The following NRG1 variants were observed in gnomAD, a reference collection of about 807,000 sequenced individuals.
The protein encoded by NRG1 is pro-neuregulin-1, membrane-bound isoform.
NRG1 carries 18 observed loss-of-function variants against 63.8 expected under a neutral mutation model. That is an observed-to-expected ratio of 0.28 (90% CI 0.19 to 0.42). The LOEUF (loss-of-function observed/expected upper bound fraction) is 0.42, where lower values mean the gene tolerates loss of function less well. Among genes scored for constraint, NRG1 ranks in the 10% least tolerant of loss-of-function variants. NRG1 has a pLI of 1.00. For synonymous variants in NRG1, 302 were observed against 301.3 expected (o/e 1.00, Z -0.02); for missense variants, 762 against 814.7 (o/e 0.94, Z 0.79).
intron 1 of NRG1, among the ~76,000 whole-genome samples, chr8:32,045,733 A>G (rs1820895281): frequency 6.6e-6 from 1 of 151,972 alleles, no homozygotes; most frequent in South Asian, 2.1e-4. Flanking sequence ...ACAAATAGTA[A>G]TGGAACAATA....
At chr8:32,001,849 G>A (rs1812983679) in intron 1 of NRG1, among the ~76,000 whole-genome samples, 1 of 151,970 alleles carries the variant, frequency 6.6e-6, no homozygotes, top group Non-Finnish European at 1.5e-5. Context: ...TACCATTGAT[G>A]TTGACCTTGA....
chr8:32,254,375 T>C (rs535787768), intron 1 of NRG1, among the ~76,000 whole-genome samples: 3 of 152,372 alleles, frequency 2.0e-5, no homozygotes, highest in African/African-American at 7.2e-5. Flanking sequence ...TCTGGTACGC[T>C]GTGTCTTTGT....
At chr8:32,610,819 A>G (rs932132672) in intron 3 of NRG1, among the ~76,000 whole-genome samples, 1 of 152,284 alleles carries the variant, frequency 6.6e-6, no homozygotes. Flanking sequence ...GGGTTTTCAT[A>G]TAACAAAGGA....
chr8:32,419,426 T>C (rs1816386658), intron 1 of NRG1, among the ~76,000 whole-genome samples: 1 of 152,170 alleles, frequency 6.6e-6, no homozygotes, highest in Non-Finnish European at 1.5e-5. Flanking sequence ...CAGTACAATG[T>C]GTTTTCTATG....
chr8:32,477,979 C>G (rs1824739578), intron 1 of NRG1, among the ~76,000 whole-genome samples: 4 of 152,204 alleles, frequency 2.6e-5, no homozygotes, highest in Admixed American at 6.5e-5. Flanking sequence ...CCATCTGTAA[C>G]AGAATGCATT....
chr8:32,096,675 GAA>G (rs1829945080), intron 1 of NRG1, among the ~76,000 whole-genome samples: 1 of 152,156 alleles, frequency 6.6e-6, no homozygotes, highest in South Asian at 2.1e-4. Flanking sequence ...GGTGAGAGAG[GAA>G]ACAAGAAGGG....
chr8:32,609,521 G>C (rs1360427006), intron 3 of NRG1, among the ~76,000 whole-genome samples: 1 of 151,272 alleles, frequency 6.6e-6, no homozygotes. Flanking sequence ...GGCTGATAGA[G>C]AGTAGAATTC....
intron 5 of NRG1, among the ~76,000 whole-genome samples, chr8:32,670,153 C>T (rs1437913716): frequency 1.3e-5 from 2 of 152,118 alleles, no homozygotes; most frequent in Non-Finnish European, 2.9e-5. Context: ...CTTGAAACTC[C>T]TTCTCTTCTC....
At chr8:32,308,588 G>A (rs1000965134) in intron 1 of NRG1, among the ~76,000 whole-genome samples, 1 of 152,178 alleles carries the variant, frequency 6.6e-6, no homozygotes, top group Non-Finnish European at 1.5e-5. Context: ...ATCAAAGCAT[G>A]ATGTTGGGCT....
At chr8:32,644,297 G>A (rs111526496) in intron 5 of NRG1, among the ~76,000 whole-genome samples, 2,471 of 152,186 alleles carry the variant, frequency 0.016, 41 homozygotes, top group Non-Finnish European at 0.022. Flanking sequence ...GCTTTACTGG[G>A]GTGGAGCTTA....
At chr8:32,526,424 G>A (rs1025134313) in intron 1 of NRG1, among the ~76,000 whole-genome samples, 3 of 152,196 alleles carry the variant, frequency 2.0e-5, no homozygotes, top group African/African-American at 7.2e-5. Context: ...CATAATCACA[G>A]AAATGACATC....
intron 5 of NRG1, among the ~76,000 whole-genome samples, chr8:32,660,394 G>A (rs1708185000): frequency 6.6e-6 from 1 of 152,182 alleles, no homozygotes. Context: ...GAGTGGAAGA[G>A]GAAGAAAATA....
At chr8:32,681,118 G>A (rs1808501766) in intron 5 of NRG1, among the ~76,000 whole-genome samples, 2 of 152,172 alleles carry the variant, frequency 1.3e-5, no homozygotes. Context: ...CAGTAAGAGA[G>A]TAGGAATCAG....
At chr8:31,932,685 A>G (rs1376469490) in intron 1 of NRG1, among the ~76,000 whole-genome samples, 3 of 152,204 alleles carry the variant, frequency 2.0e-5, no homozygotes, top group Non-Finnish European at 4.4e-5. Flanking sequence ...CACTTTTCAC[A>G]TGAAAGTGTA....
intron 1 of NRG1, among the ~76,000 whole-genome samples, chr8:32,034,748 A>G (rs922916466): frequency 6.6e-6 from 1 of 152,180 alleles, no homozygotes. Flanking sequence ...AGGTGTTAAT[A>G]GTATCCTCTG....
At chr8:31,726,224 C>T (rs1402316115) in intron 1 of NRG1, among the ~76,000 whole-genome samples, 1 of 151,940 alleles carries the variant, frequency 6.6e-6, no homozygotes, top group Non-Finnish European at 1.5e-5. Flanking sequence ...TAATTGATAT[C>T]TGTATATAAG....
At chr8:32,033,091 A>ATTTTT (rs898802902) in intron 1 of NRG1, among the ~76,000 whole-genome samples, 14 of 111,610 alleles carry the variant, frequency 1.3e-4, no homozygotes, top group African/African-American at 4.3e-4. Context: ...TGTGCAGTCT[A>ATTTTT]TTTTTTTTTT....
At chr8:32,157,932 G>T (rs929812055) in intron 1 of NRG1, among the ~76,000 whole-genome samples, 1 of 152,042 alleles carries the variant, frequency 6.6e-6, no homozygotes, top group African/African-American at 2.4e-5. Flanking sequence ...TGATTATTCT[G>T]ACTATTCTCC....
rs1455103905 is a variant in NRG1, at chr8:31,885,925, G to A, written c.37+246494G>A. Among the ~76,000 whole-genome samples the A allele has an allele frequency of 2.0e-5, 3 of 152,152 alleles. No homozygotes were observed. In the East Asian group the frequency reaches 5.8e-4, roughly 29 times the overall value. ...CACTGCTGGGTAATCTGGTTGAAAT[G>A]GAGACAGAGCATAAACCAATAGAGG... On this transcript the variant is annotated intron_variant, in intron 1 of 10. Coordinates refer to the NRG1 transcript ENST00000519301.
Sources: gnomAD v4.1 joint callset for allele counts (sites outside exome capture counted in the v4.1 genomes callset) on GRCh38, gnomAD v4.1.1 for gene constraint, MANE v1.5 for transcripts, NCBI Gene and HGNC (gene_info 2026-07-23, HGNC 2026-07-21) for gene names.